Variants in ZEB2 observed in about 807,000 individuals in gnomAD.
The protein encoded by ZEB2 is zinc finger E-box-binding homeobox 2.
A neutral mutation model predicts 99.9 loss-of-function variants in ZEB2; 6 were observed. The ratio of observed to expected loss-of-function variants is 0.06; its 90% confidence interval spans 0.03 to 0.12. The LOEUF is 0.12. Among genes scored for constraint, ZEB2 ranks in the 10% least tolerant of loss-of-function variants. The pLI is 1.00. For missense variants in ZEB2, 969 were observed against 1,502.8 expected, an observed-to-expected ratio of 0.64 and a Z score of 5.87; for synonymous variants, 517 against 542.5, an observed-to-expected ratio of 0.95 and a Z score of 0.65.
chr2:144,394,021 A>C (rs1703187865), intron 9 of ZEB2, among the ~76,000 whole-genome samples: 1 of 152,160 alleles, frequency 6.6e-6, no homozygotes, highest in Non-Finnish European at 1.5e-5. Flanking sequence ...TCCCGGGTTC[A>C]AGTGATTCTC....
At chr2:144,459,842 G>C (rs572875773) in intron 2 of ZEB2, among the ~76,000 whole-genome samples, 1 of 152,148 alleles carries the variant, frequency 6.6e-6, no homozygotes, top group East Asian at 1.9e-4. Context: ...ATCTTGCTAC[G>C]TATGTATTCT....
At chr2:144,495,438 T>C (rs1704744691) in intron 2 of ZEB2, 1 of 152,218 alleles carries the variant, frequency 6.6e-6, no homozygotes, top group Non-Finnish European at 1.5e-5. Flanking sequence ...CTCAGTGAAC[T>C]AGGAGGCCTT....
intron 2 of ZEB2, among the ~76,000 whole-genome samples, chr2:144,459,522 C>T (rs745964107): frequency 2.6e-5 from 4 of 151,976 alleles, no homozygotes; most frequent in East Asian, 1.9e-4. Flanking sequence ...GAACACTGCC[C>T]GTGTAAATTT....
In ZEB2 at chr2:144,386,358, T is replaced by C. The variant is rs1703083572; in HGVS notation, c.*3093A>G. The C allele has an allele frequency of 6.6e-6, 1 of 152,150 alleles. No individual in the cohort carries two copies. Among genetic ancestry groups the C allele is most frequent in the South Asian group, 2.1e-4 (1 of 4,828 alleles). The allele number at this position is 152,150 out of a possible 1,614,324, so 9.4% of individuals were successfully genotyped here. On this transcript the variant is annotated 3_prime_UTR_variant, in exon 10 of 10. Coordinates refer to ENST00000627532, the MANE Select transcript of ZEB2 (RefSeq NM_014795.4). Reference sequence around the variant, plus strand: ...GAGTTAGAGGATTATGCAGCCCTAATGTGCAATCGTGTCCAGCGGATAAAT... The same window carrying C: ...GAGTTAGAGGATTATGCAGCCCTAACGTGCAATCGTGTCCAGCGGATAAAT...
intron 4 of ZEB2, among the ~76,000 whole-genome samples, chr2:144,408,252 G>A (rs999323224): frequency 2.0e-5 from 3 of 152,196 alleles, no homozygotes; most frequent in African/African-American, 7.2e-5. Flanking sequence ...TGGGATGAAT[G>A]TGGAATAAAT....
intron 2 of ZEB2, among the ~76,000 whole-genome samples, chr2:144,439,108 G>A (rs1193961825): frequency 4.7e-5 from 7 of 149,484 alleles, no homozygotes; most frequent in South Asian, 4.2e-4. Context: ...TATTTGCTCA[G>A]GCCTAAACAA....
At chr2:144,496,152 T>G (rs958728452) in intron 2 of ZEB2, 5 of 152,248 alleles carry the variant, frequency 3.3e-5, no homozygotes, top group African/African-American at 7.2e-5. Context: ...ATTTAGAAGT[T>G]TGAGAATTGG....
intron 2 of ZEB2, chr2:144,449,564 A>G (rs557737458): frequency 6.6e-6 from 1 of 152,362 alleles, no homozygotes; most frequent in South Asian, 2.1e-4. Context: ...AAAGTGGCTG[A>G]GTAAGACCCC....
chr2:144,435,340 G>A (rs962139247), intron 2 of ZEB2, among the ~76,000 whole-genome samples: 21 of 152,042 alleles, frequency 1.4e-4, no homozygotes, highest in Non-Finnish European at 5.9e-5. Flanking sequence ...AGGTATGGTG[G>A]CTCACACCTG....
At chr2:144,423,379 A>G (rs1037570600) in intron 4 of ZEB2, among the ~76,000 whole-genome samples, 36 of 152,352 alleles carry the variant, frequency 2.4e-4, no homozygotes, top group African/African-American at 7.5e-4. Context: ...TATCTAATTC[A>G]TGATATCGCT....
intron 2 of ZEB2, among the ~76,000 whole-genome samples, chr2:144,484,531 C>G (rs1704566709): frequency 6.6e-6 from 1 of 152,172 alleles, no homozygotes; most frequent in African/African-American, 2.4e-5. Context: ...GACACATGGC[C>G]TAATCAGGAA....
At chr2:144,487,225 A>G (rs1379322212) in intron 2 of ZEB2, among the ~76,000 whole-genome samples, 1 of 152,142 alleles carries the variant, frequency 6.6e-6, no homozygotes, top group Non-Finnish European at 1.5e-5. Flanking sequence ...TTGGACATGC[A>G]GGAAGATATG....
At position 144,399,185 on chromosome 2, in the gene ZEB2, C is replaced by T. The variant is rs1703272621; in HGVS notation, c.2002G>A (p.Glu668Lys). 2 of 1,614,010 alleles carry T rather than the reference C, an allele frequency of 1.2e-6. No homozygotes were observed. Among genetic ancestry groups the T allele is most frequent in the South Asian group, 1.1e-5 (1 of 91,086 alleles). The part of the protein sequence containing the change: ...VLKAYYAMNM[E>K]PNSDELLKIS... ...TTCAGCAGTTCATCGGAGTTGGGCT[C>T]CATGTTCATAGCATAGTATGCTTTG... Residue 668 changes from glutamate to lysine, a missense_variant, in exon 8 of 10, where the codon GAG (glutamate) becomes AAG (lysine). By Grantham distance (56) the Glu-to-Lys change is moderately conservative. Transcript: ENST00000627532. The surrounding 1 kb of genome is among the most constrained non-coding windows in gnomAD (Gnocchi z 5.6).
At chr2:144,403,777 A>C (rs2149879066) in intron 6 of ZEB2, 139 bp downstream of exon 6, 1 of 1,033,470 alleles carries the variant, frequency 9.7e-7, no homozygotes, top group Non-Finnish European at 1.5e-6. Context: ...AATCATTTAG[A>C]CCTCAATTAA....
intron 9 of ZEB2, among the ~76,000 whole-genome samples, chr2:144,392,588 G>A (rs887191324): frequency 2.6e-5 from 4 of 152,166 alleles, no homozygotes; most frequent in African/African-American, 9.7e-5. Flanking sequence ...ATAGAATCTG[G>A]GAGCAGGTGA....
At chr2:144,485,807 C>T (rs761084661) in intron 2 of ZEB2, among the ~76,000 whole-genome samples, 4 of 152,098 alleles carry the variant, frequency 2.6e-5, no homozygotes, top group Middle Eastern at 3.4e-3. Flanking sequence ...TTAGTAGATA[C>T]GGGGTTTCAC....
intron 2 of ZEB2, among the ~76,000 whole-genome samples, chr2:144,442,201 A>C (rs1012365331): frequency 6.6e-6 from 1 of 152,174 alleles, no homozygotes; most frequent in Non-Finnish European, 1.5e-5. Flanking sequence ...GCCTTTCTCA[A>C]TTTATTATGG....
At chr2:144,412,747 T>G (rs1703482886) in intron 4 of ZEB2, among the ~76,000 whole-genome samples, 1 of 152,248 alleles carries the variant, frequency 6.6e-6, no homozygotes, top group Non-Finnish European at 1.5e-5. Flanking sequence ...CTTTCCTGAC[T>G]ATCTCAGCCT....
At chr2:144,407,089 C>T (rs1453699724) in intron 4 of ZEB2, among the ~76,000 whole-genome samples, 1 of 152,112 alleles carries the variant, frequency 6.6e-6, no homozygotes, top group Admixed American at 6.5e-5. Flanking sequence ...TCTAAAAAGA[C>T]TTGAAACTAT....
Sources: allele counts gnomAD v4.1 joint callset (sites outside exome capture counted in the v4.1 genomes callset), GRCh38; gene constraint gnomAD v4.1.1; non-coding constraint Gnocchi (gnomAD v3.1); transcripts MANE v1.5; gene names NCBI Gene and HGNC (gene_info 2026-07-23, HGNC 2026-07-21).